The following SSUH2 variants were observed in gnomAD, a reference collection of about 807,000 sequenced individuals.
The protein encoded by SSUH2 is protein SSUH2 homolog.
Under a neutral mutation model 55.3 loss-of-function variants are expected in SSUH2, and 47 were observed. The observed-to-expected ratio is 0.85, with a 90% CI of 0.67 to 1.08. The LOEUF (loss-of-function observed/expected upper bound fraction) is 1.08, where lower values mean the gene tolerates loss of function less well. Ranked by LOEUF, SSUH2 falls within the 50% of genes least tolerant of loss-of-function variation. SSUH2 has a pLI of 0.00. For synonymous variants in SSUH2, 212 were observed against 191.5 expected, an observed-to-expected ratio of 1.11 and a Z score of -0.89; for missense variants, 535 against 490.7, an observed-to-expected ratio of 1.09 and a Z score of -0.85.
chr3:8,676,445 TG>T lies in SSUH2; in HGVS notation c.-753+760del, dbSNP rs372401343. Among the ~76,000 whole-genome samples, 18 of 150,928 alleles carry T rather than the reference TG, an allele frequency of 1.2e-4. 1 individual carries two copies. In the East Asian group the frequency reaches 1.5e-3, roughly 12 times the overall value. On this transcript the variant is annotated intron_variant, in intron 3 of 18. Transcript: ENST00000317371. Reference sequence around the variant, plus strand: ...TCCAGGATCGTGGGAAAAATATCCCTGGGGGGTTTCCACTTTCTGCCATACA... The same window carrying T: ...TCCAGGATCGTGGGAAAAATATCCCTGGGGGTTTCCACTTTCTGCCATACA...
chr3:8,636,668 T>C (rs965655906), intron 1 of SSUH2, among the ~76,000 whole-genome samples: 7 of 152,198 alleles, frequency 4.6e-5, no homozygotes, highest in African/African-American at 1.7e-4. Flanking sequence ...AGACTCCTCC[T>C]ACTTAATCTC....
At chr3:8,645,949 A>T (rs1701626410), upstream of SSUH2, among the ~76,000 whole-genome samples, 1 of 152,180 alleles carries the variant, frequency 6.6e-6, no homozygotes. Flanking sequence ...CAGTCCTCAC[A>T]AATCGATTTT....
upstream of SSUH2, among the ~76,000 whole-genome samples, chr3:8,645,492 T>G (rs912353170): frequency 2.6e-5 from 4 of 152,194 alleles, no homozygotes; most frequent in African/African-American, 9.7e-5. Flanking sequence ...CCTCAGCCCT[T>G]GGAAGATCAT....
chr3:8,632,191 T>G, intron 4 of SSUH2, 82 bp from the exon 5 acceptor site: 1 of 1,213,362 alleles, frequency 8.2e-7, no homozygotes, highest in South Asian at 1.2e-5. Flanking sequence ...GCTGTTACCC[T>G]CCCAGGGCTC....
chr3:8,627,637 C>T, intron 8 of SSUH2, 61 bp downstream of exon 8: 1 of 1,373,206 alleles, frequency 7.3e-7, no homozygotes, highest in Non-Finnish European at 9.8e-7. Flanking sequence ...TCCAGATGGG[C>T]AGGCAATGAA....
In SSUH2 at chr3:8,633,715, A is replaced by G; in HGVS notation, c.290T>C (p.Val97Ala). 3 of 1,554,966 alleles carry G rather than the reference A, an allele frequency of 1.9e-6. No individual in the cohort carries two copies. Among genetic ancestry groups the G allele is most frequent in the Admixed American group, 1.9e-5 (1 of 51,760 alleles). The change falls in exon 4 of 12, where the codon GTG (valine) becomes GCG (alanine). Residue 97 changes from valine (V) to alanine (A), a missense_variant. Coordinates refer to ENST00000544814, the MANE Select transcript of SSUH2 (RefSeq NM_001256748.3). ...VDSKCCYSSTVAGDLVIQELK... is the reference protein window; with the variant it reads ...VDSKCCYSSTAAGDLVIQELK... ...CTCCTGGATGACGAGGTCTCCAGCC[A>G]CCGTGCTGCTGTAGCAGCACTTAGA... is the stretch of plus-strand genomic sequence containing the variant.
intron 7 of SSUH2, among the ~76,000 whole-genome samples, chr3:8,653,298 T>A (rs773566234): frequency 6.6e-6 from 1 of 152,192 alleles, no homozygotes; most frequent in Non-Finnish European, 1.5e-5. Context: ...TTTATATTTA[T>A]AAAAGAAATA....
chr3:8,643,729 T>C (rs1701257598), intron 1 of SSUH2, among the ~76,000 whole-genome samples: 1 of 152,234 alleles, frequency 6.6e-6, no homozygotes, highest in South Asian at 2.1e-4. Context: ...GAAGTTGTGT[T>C]AGTGTCATGG....
chr3:8,646,471 T>G (rs1701691335), upstream of SSUH2, among the ~76,000 whole-genome samples: 2 of 152,092 alleles, frequency 1.3e-5, no homozygotes, highest in African/African-American at 4.8e-5. Context: ...GCCGCAAAAA[T>G]GCAGACAACG....
At position 8,666,845 on chromosome 3, in the gene SSUH2, C is replaced by T. The variant is rs1575355050; in HGVS notation, c.-454-3043G>A. ...TGCTTCAAGTTGGCCTCCCAAAAGCCCCTCTTTGGGTTTGACTCATTTGCT... is the reference window on the plus strand; with the variant it reads ...TGCTTCAAGTTGGCCTCCCAAAAGCTCCTCTTTGGGTTTGACTCATTTGCT... On this transcript the variant is annotated intron_variant, in intron 5 of 18. Transcript: ENST00000317371. Among the ~76,000 whole-genome samples the T allele has an allele frequency of 3.3e-5, 5 of 152,288 alleles. 1 individual carries two copies. Among genetic ancestry groups the T allele is most frequent in the Admixed American group, 3.3e-4 (5 of 15,298 alleles).
intron 3 of SSUH2, chr3:8,634,513 C>G (rs1486089334): frequency 1.6e-6 from 2 of 1,289,782 alleles, no homozygotes; most frequent in African/African-American, 1.5e-5. Flanking sequence ...ATTCTGCACA[C>G]TTGTATCTCC....
chr3:8,657,435 T>A (rs1703046724), intron 7 of SSUH2, among the ~76,000 whole-genome samples: 1 of 152,104 alleles, frequency 6.6e-6, no homozygotes, highest in Non-Finnish European at 1.5e-5. Flanking sequence ...TCAACCCAGG[T>A]GGGACGGCAT....
chr3:8,645,420 T>C (rs1186451241), upstream of SSUH2, among the ~76,000 whole-genome samples: 2 of 152,160 alleles, frequency 1.3e-5, no homozygotes, highest in Admixed American at 6.5e-5. Context: ...CTGTGAAACA[T>C]CTTTGGATTT....
At position 8,678,833 on chromosome 3, in the gene SSUH2, C is replaced by T. The variant is rs1431780380; in HGVS notation, c.-901+872G>A. ...AGAGGAGGCGGCACTCCCCACGAGG[C>T]GGGGACTGAGAACCAATCCCTCTTC... On this transcript the variant is annotated intron_variant, in intron 2 of 18. Coordinates refer to the SSUH2 transcript ENST00000317371. 1.1e-4 allele frequency among the ~76,000 whole-genome samples: 12 copies of T among 110,956 alleles called. 3 individuals are homozygous for T. The highest frequency in any genetic ancestry group is 1.8e-4 in the Admixed American group (2 of 11,156). 72.8% of individuals were successfully genotyped at this position (110,956 alleles called of 152,430 possible). A position where few individuals can be genotyped will look rare whatever the true frequency, so the allele number is the denominator to read the frequency against.
chr3:8,633,288 C>T (rs549605087), intron 4 of SSUH2, among the ~76,000 whole-genome samples: 37 of 151,974 alleles, frequency 2.4e-4, no homozygotes, highest in Non-Finnish European at 3.2e-4. Context: ...GAACTACAGG[C>T]ACCCACCACC....
At chr3:8,642,631 A>G (rs1260904224) in intron 1 of SSUH2, among the ~76,000 whole-genome samples, 1 of 152,208 alleles carries the variant, frequency 6.6e-6, no homozygotes, top group Non-Finnish European at 1.5e-5. Context: ...GAACGTTCCT[A>G]TCCATGCACT....
intron 3 of SSUH2, among the ~76,000 whole-genome samples, chr3:8,676,070 A>C (rs1705221711): frequency 6.6e-6 from 1 of 152,070 alleles, no homozygotes; most frequent in Non-Finnish European, 1.5e-5. Flanking sequence ...AAGGCCCCCC[A>C]TGCTGTGGTG....
chr3:8,630,152 C>G (rs1575101225), intron 6 of SSUH2, among the ~76,000 whole-genome samples: 1 of 152,198 alleles, frequency 6.6e-6, no homozygotes, highest in Non-Finnish European at 1.5e-5. Flanking sequence ...TTTAAAATAG[C>G]CTTGGCCCCC....
At chr3:8,626,662 G>T (rs1697633023) in intron 8 of SSUH2, among the ~76,000 whole-genome samples, 1 of 151,896 alleles carries the variant, frequency 6.6e-6, no homozygotes, top group Non-Finnish European at 1.5e-5. Flanking sequence ...CCAGGCGAGT[G>T]CAATGAGATC....
Sources: gnomAD v4.1 joint callset for allele counts (sites outside exome capture counted in the v4.1 genomes callset) on GRCh38, gnomAD v4.1.1 for gene constraint, MANE v1.5 for transcripts, NCBI Gene and HGNC (gene_info 2026-07-23, HGNC 2026-07-21) for gene names.